The following GABRG3 variants were observed in gnomAD, a reference collection of about 807,000 sequenced individuals.
The protein encoded by GABRG3 is gamma-aminobutyric acid type A receptor subunit gamma3, also known as gamma-aminobutyric acid receptor subunit gamma-3.
A neutral mutation model predicts 48.8 loss-of-function variants in GABRG3; 25 were observed. That is an observed-to-expected ratio of 0.51 (90% CI 0.37 to 0.72). The LOEUF (loss-of-function observed/expected upper bound fraction) is 0.72. Ranked by LOEUF, GABRG3 falls within the 30% of genes least tolerant of loss-of-function variation. GABRG3 has a pLI of 0.00. For missense variants in GABRG3, 394 were observed against 577.9 expected (o/e 0.68, Z 3.26); for synonymous variants, 227 against 217.6 (o/e 1.04, Z -0.38).
intron 3 of GABRG3, among the ~76,000 whole-genome samples, chr15:27,298,331 G>T (rs1357935868): frequency 6.6e-6 from 1 of 152,106 alleles, no homozygotes; most frequent in Non-Finnish European, 1.5e-5. Flanking sequence ...AGTTTATTTT[G>T]CCAAAATCAA....
intron 2 of GABRG3, among the ~76,000 whole-genome samples, chr15:27,001,165 C>T (rs1566905086): frequency 6.6e-6 from 1 of 152,216 alleles, no homozygotes; most frequent in Non-Finnish European, 1.5e-5. Context: ...CCTTCATTGC[C>T]TGATATAGAT....
At chr15:26,986,448 C>T (rs922096381) in intron 2 of GABRG3, among the ~76,000 whole-genome samples, 28 of 152,142 alleles carry the variant, frequency 1.8e-4, no homozygotes, top group Admixed American at 1.0e-3. Flanking sequence ...CAGCTTAACA[C>T]ACGTTGGCGG....
Position 27,507,233 on chromosome 15 carries a change from G to A in GABRG3, c.713-12739G>A, listed in dbSNP as rs367691074. 4.9e-4 allele frequency among the ~76,000 whole-genome samples: 75 copies of A among 152,216 alleles called. 1 individual carries two copies. In the South Asian group the frequency reaches 0.013, roughly 27 times the overall value. ...AATATGTTAAGTTTTGGCCCAGCAC[G>A]ATGGCTCACACCTGTAATCCCAGTA... On this transcript the variant is annotated intron_variant, in intron 6 of 9. Coordinates refer to ENST00000615808, the MANE Select transcript of GABRG3 (RefSeq NM_033223.5).
intron 2 of GABRG3, among the ~76,000 whole-genome samples, chr15:26,988,030 A>G (rs1421732298): frequency 6.6e-6 from 1 of 152,208 alleles, no homozygotes; most frequent in Non-Finnish European, 1.5e-5. Context: ...CATACTCTGA[A>G]TAACATAAAT....
At chr15:27,035,520 A>G (rs1055619695) in intron 3 of GABRG3, among the ~76,000 whole-genome samples, 12 of 151,716 alleles carry the variant, frequency 7.9e-5, no homozygotes, top group African/African-American at 2.9e-4. Flanking sequence ...TGTCCCTCTG[A>G]CAAGAGCACC....
chr15:27,061,905 A>G (rs572119108), intron 3 of GABRG3, among the ~76,000 whole-genome samples: 89 of 152,186 alleles, frequency 5.8e-4, no homozygotes, highest in African/African-American at 2.0e-3. Context: ...CTGCTCTGGC[A>G]TTTTCCCTAG....
chr15:27,526,935 A>C lies in GABRG3; in HGVS notation c.866-498A>C, dbSNP rs149565249. 4.6e-5 allele frequency among the ~76,000 whole-genome samples: 7 copies of C among 152,302 alleles called. No individual in the cohort carries two copies. In the East Asian group the frequency reaches 1.4e-3, roughly 29 times the overall value. ...TCCCTGTGATAATGAAAACAAAAAA[A>C]GCTGAGATAGTAGAAGGTACAGGGA... On this transcript the variant is annotated intron_variant, in intron 7 of 9. Transcript: ENST00000615808.
At chr15:27,368,524 C>T (rs1404545648) in intron 5 of GABRG3, among the ~76,000 whole-genome samples, 2 of 152,154 alleles carry the variant, frequency 1.3e-5, no homozygotes, top group African/African-American at 4.8e-5. Flanking sequence ...TAATTCTGTC[C>T]AAGGTGCATA....
intron 3 of GABRG3, among the ~76,000 whole-genome samples, chr15:27,160,799 T>G (rs373004647): frequency 6.6e-6 from 1 of 152,134 alleles, no homozygotes; most frequent in Non-Finnish European, 1.5e-5. Flanking sequence ...TAAGTAGATA[T>G]GAAGCACTCC....
At chr15:27,077,992 T>C (rs1391471750) in intron 3 of GABRG3, among the ~76,000 whole-genome samples, 1 of 152,166 alleles carries the variant, frequency 6.6e-6, no homozygotes, top group Non-Finnish European at 1.5e-5. Context: ...ATGTGCCATG[T>C]TTCTGTTTCT....
chr15:27,264,773 C>CA (rs1047783506), intron 3 of GABRG3, among the ~76,000 whole-genome samples: 2 of 151,930 alleles, frequency 1.3e-5, no homozygotes, highest in East Asian at 1.9e-4. Context: ...CAAATTAAAA[C>CA]AAAAAAATCT....
At chr15:27,256,744 T>C (rs892342281) in intron 3 of GABRG3, among the ~76,000 whole-genome samples, 13 of 152,214 alleles carry the variant, frequency 8.5e-5, no homozygotes, top group Admixed American at 5.9e-4. Flanking sequence ...AAGATTATCC[T>C]ATCCTATGCA....
At chr15:27,024,396 C>A (rs1595478763) in intron 2 of GABRG3, among the ~76,000 whole-genome samples, 1 of 152,192 alleles carries the variant, frequency 6.6e-6, no homozygotes, top group Non-Finnish European at 1.5e-5. Context: ...TGTCAGGAAG[C>A]TTTCCGCCGT....
At chr15:27,041,524 C>T (rs1828275183) in intron 3 of GABRG3, among the ~76,000 whole-genome samples, 1 of 152,166 alleles carries the variant, frequency 6.6e-6, no homozygotes, top group Admixed American at 6.5e-5. Flanking sequence ...TAATTTCTAC[C>T]ATCTTCCTAG....
At chr15:27,349,994 C>T (rs1894505526) in intron 5 of GABRG3, 1 of 415,362 alleles carries the variant, frequency 2.4e-6, no homozygotes, top group Non-Finnish European at 4.8e-6. Flanking sequence ...TCGGTACTCA[C>T]TTCTGGCTAC....
At chr15:27,078,461 GA>G (rs1896943971) in intron 3 of GABRG3, among the ~76,000 whole-genome samples, 1 of 152,142 alleles carries the variant, frequency 6.6e-6, no homozygotes, top group African/African-American at 2.4e-5. Context: ...ATATGCTATG[GA>G]AAAATTTCTT....
intron 2 of GABRG3, among the ~76,000 whole-genome samples, chr15:26,983,624 A>T (rs1895095896): frequency 6.6e-6 from 1 of 152,024 alleles, no homozygotes; most frequent in South Asian, 2.1e-4. Flanking sequence ...AATAGTAAAA[A>T]ATAGTCAGGT....
chr15:27,069,339 C>T (rs2376484), intron 3 of GABRG3, among the ~76,000 whole-genome samples: 22,881 of 152,154 alleles, frequency 0.15, 2,058 homozygotes, highest in Middle Eastern at 0.24. Flanking sequence ...AGGCTACATC[C>T]CTCTAGGCAC....
intron 3 of GABRG3, among the ~76,000 whole-genome samples, chr15:27,167,333 A>G (rs1246287822): frequency 2.0e-5 from 3 of 152,114 alleles, no homozygotes; most frequent in Non-Finnish European, 4.4e-5. Flanking sequence ...CTCTCCCTGG[A>G]CTTATCTGCT....
Sources: gnomAD v4.1 joint callset for allele counts (sites outside exome capture counted in the v4.1 genomes callset) on GRCh38, gnomAD v4.1.1 for gene constraint, MANE v1.5 for transcripts, NCBI Gene and HGNC (gene_info 2026-07-23, HGNC 2026-07-21) for gene names.